The following ADAMTSL3 variants were observed in gnomAD, a reference collection of about 807,000 sequenced individuals.
ADAMTSL3 encodes the protein ADAMTS like 3, also known as ADAMTS-like protein 3.
Under a neutral mutation model 201.7 loss-of-function variants are expected in ADAMTSL3, and 128 were observed. The observed-to-expected ratio is 0.63, with a 90% CI of 0.55 to 0.73. ADAMTSL3 has a LOEUF of 0.73. ADAMTSL3 is among the 30% of genes least tolerant of loss of function. The probability of loss-of-function intolerance (pLI) is 0.00; values close to 1 mark genes in which losing one functional copy is unlikely to be tolerated. For synonymous variants in ADAMTSL3, 738 were observed against 748.4 expected (o/e 0.99, Z 0.23); for missense variants, 1,990 against 2,119.6 (o/e 0.94, Z 1.20).
chr15:83,678,952 T>C (rs2061443302), intron 2 of ADAMTSL3, among the ~76,000 whole-genome samples: 1 of 149,890 alleles, frequency 6.7e-6, no homozygotes, highest in African/African-American at 2.4e-5. Context: ...CTTTTTGTTC[T>C]GTGATAGTGA....
intron 2 of ADAMTSL3, among the ~76,000 whole-genome samples, chr15:83,671,572 T>A (rs1002549457): frequency 1.3e-5 from 2 of 152,220 alleles, no homozygotes; most frequent in Non-Finnish European, 2.9e-5. Context: ...AGGTGCTCAA[T>A]TTTATGTGTA....
chr15:83,788,238 A>G (rs549414667), intron 4 of ADAMTSL3, among the ~76,000 whole-genome samples: 1 of 152,026 alleles, frequency 6.6e-6, no homozygotes, highest in East Asian at 1.9e-4. Flanking sequence ...TTTCTTTTAG[A>G]CCCTTCTTCT....
At chr15:83,716,795 C>T (rs973799500) in intron 3 of ADAMTSL3, among the ~76,000 whole-genome samples, 2 of 152,120 alleles carry the variant, frequency 1.3e-5, no homozygotes, top group Admixed American at 6.5e-5. Context: ...ACGCTTTCCA[C>T]GTGGCAGACC....
At chr15:83,974,330 A>C (rs2142136419) in intron 20 of ADAMTSL3, among the ~76,000 whole-genome samples, 1 of 152,340 alleles carries the variant, frequency 6.6e-6, no homozygotes, top group Non-Finnish European at 1.5e-5. Context: ...CATCTGTAAA[A>C]TGAGAATAGT....
chr15:83,839,366 G>A (rs994800246), intron 7 of ADAMTSL3, among the ~76,000 whole-genome samples: 10 of 152,126 alleles, frequency 6.6e-5, no homozygotes, highest in Non-Finnish European at 1.0e-4. Context: ...CTCCTAATAT[G>A]TTGTTCAGGC....
At chr15:83,981,429 A>G (rs1267907145) in intron 20 of ADAMTSL3, among the ~76,000 whole-genome samples, 1 of 152,240 alleles carries the variant, frequency 6.6e-6, no homozygotes, top group Non-Finnish European at 1.5e-5. Context: ...CAGCAGTTAT[A>G]TATGAGAGCT....
At chr15:83,829,885 TGA>T (rs1415491367) in intron 6 of ADAMTSL3, among the ~76,000 whole-genome samples, 2 of 152,240 alleles carry the variant, frequency 1.3e-5, no homozygotes, top group African/African-American at 4.8e-5. Context: ...CACTGTGGTC[TGA>T]GAGACAGTTT....
At chr15:83,784,566 G>A (rs1268220314) in intron 4 of ADAMTSL3, among the ~76,000 whole-genome samples, 1 of 151,888 alleles carries the variant, frequency 6.6e-6, no homozygotes, top group Non-Finnish European at 1.5e-5. Flanking sequence ...CAATATATAC[G>A]CTCAGATTAC....
chr15:84,027,447 G>T (rs544781266), intron 27 of ADAMTSL3, among the ~76,000 whole-genome samples: 27 of 152,148 alleles, frequency 1.8e-4, no homozygotes, highest in African/African-American at 6.5e-4. Context: ...AACGGAGGCC[G>T]GGCGCGGTGA....
At chr15:83,734,588 G>C (rs1176817028) in intron 3 of ADAMTSL3, among the ~76,000 whole-genome samples, 1 of 152,126 alleles carries the variant, frequency 6.6e-6, no homozygotes, top group Non-Finnish European at 1.5e-5. Context: ...GTGATGAGCT[G>C]CCCTGCTGAC....
intron 7 of ADAMTSL3, among the ~76,000 whole-genome samples, chr15:83,851,519 G>A (rs2064612922): frequency 1.3e-5 from 2 of 152,164 alleles, no homozygotes; most frequent in South Asian, 2.1e-4. Flanking sequence ...TTGCAAGAGA[G>A]CCCAACCAAT....
At chr15:83,655,697 TG>T in intron 1 of ADAMTSL3, 31 bp from the exon 2 acceptor site, 1 of 1,521,438 alleles carries the variant, frequency 6.6e-7, no homozygotes, top group Non-Finnish European at 9.1e-7. Context: ...GGGCCAGAGC[TG>T]GTTGGTAATG....
chr15:83,666,893 A>G (rs2061254861), intron 2 of ADAMTSL3, among the ~76,000 whole-genome samples: 1 of 151,858 alleles, frequency 6.6e-6, no homozygotes, highest in Admixed American at 6.6e-5. Flanking sequence ...TCATCTTCAT[A>G]TGTATGCCCC....
chr15:83,945,501 A>G (rs1381057721), intron 19 of ADAMTSL3, among the ~76,000 whole-genome samples: 1 of 152,194 alleles, frequency 6.6e-6, no homozygotes, highest in East Asian at 1.9e-4. Flanking sequence ...TAGGTCAGGC[A>G]GTGGGGGCTG....
chr15:83,757,078 GC>G (rs1292576260), intron 3 of ADAMTSL3, among the ~76,000 whole-genome samples: 1 of 152,312 alleles, frequency 6.6e-6, no homozygotes, highest in African/African-American at 2.4e-5. Context: ...GGCACACGGT[GC>G]AGGCGGTCAG....
chr15:83,924,781 T>C (rs12905660), intron 17 of ADAMTSL3, among the ~76,000 whole-genome samples: 21,684 of 152,172 alleles, frequency 0.14, 1,989 homozygotes, highest in Middle Eastern at 0.33. Context: ...AGTCTTTTCC[T>C]TTCTCTCTCC....
chr15:83,889,644 A>G (rs1306884824), intron 10 of ADAMTSL3, among the ~76,000 whole-genome samples: 2 of 152,146 alleles, frequency 1.3e-5, no homozygotes. Context: ...TTATACGGAA[A>G]TGAGAGAAGG....
At chr15:83,823,665 C>G (rs919559263) in intron 6 of ADAMTSL3, among the ~76,000 whole-genome samples, 1 of 152,144 alleles carries the variant, frequency 6.6e-6, no homozygotes, top group African/African-American at 2.4e-5. Flanking sequence ...TTCTGTTCTC[C>G]GAGCTCCCAC....
chr15:83,714,785 T>TTCTTTCTTTCTTTCTTTCTTTCTTTC (rs1411016187), intron 3 of ADAMTSL3, among the ~76,000 whole-genome samples: 3 of 101,444 alleles, frequency 3.0e-5, no homozygotes, highest in African/African-American at 3.5e-5. Context: ...CTTTCTTTCT[T>TTCTTTCTTTCTTTCTTTCTTTCTTTC]TTTCTTTCTC....
Sources: allele counts gnomAD v4.1 joint callset (sites outside exome capture counted in the v4.1 genomes callset), GRCh38; gene constraint gnomAD v4.1.1; transcripts MANE v1.5; gene names NCBI Gene and HGNC (gene_info 2026-07-23, HGNC 2026-07-21).